KIDINS220: variants seen among roughly 807,000 people sequenced by gnomAD.
KIDINS220 encodes kinase D-interacting substrate of 220 kDa.
KIDINS220 carries 63 observed loss-of-function variants against 157.6 expected under a neutral mutation model. That is an observed-to-expected ratio of 0.40 (90% CI 0.33 to 0.49). KIDINS220 has a LOEUF of 0.49. KIDINS220 is among the 20% of genes least tolerant of loss of function. The pLI is 0.66. For missense variants in KIDINS220, 1,772 were observed against 2,171.2 expected (o/e 0.82, Z 3.65); for synonymous variants, 732 against 783.6 (o/e 0.93, Z 1.10).
Position 8,817,623 on chromosome 2 carries a change from C to G in KIDINS220, c.301G>C (p.Asp101His). The part of the protein sequence containing the change: ...LKCGVNLEHR[D>H]MGGWTALMWA... ...ACATATAAAAATGTCCATACCATATCACGGTGCTCCAAGTTAACCCCACAT... is the reference window on the plus strand; with the variant it reads ...ACATATAAAAATGTCCATACCATATGACGGTGCTCCAAGTTAACCCCACAT... The change falls in exon 4 of 30, where the codon GAT (aspartate) becomes CAT (histidine). Residue 101 changes from aspartate to histidine, a missense_variant. This residue lies in a region of KIDINS220 where 254 missense variants were observed against 268.6 expected (regional missense o/e 0.95). Coordinates refer to ENST00000256707, the MANE Select transcript of KIDINS220 (RefSeq NM_020738.4). The G allele has an allele frequency of 6.3e-7, 1 of 1,590,194 alleles. No homozygotes were observed. Among genetic ancestry groups the G allele is most frequent in the Non-Finnish European group, 8.6e-7 (1 of 1,162,558 alleles).
rs920416732 is a variant in KIDINS220, at chr2:8,831,340, T to C, written c.-36-4211A>G. ...CCCATCCCTCCCACCCTCTACATAG[T>C]CACATCTACACCTCCAGCTCCAGCC... is the stretch of plus-strand genomic sequence containing the variant. On this transcript the variant is annotated intron_variant, in intron 1 of 29. Coordinates refer to ENST00000256707, the MANE Select transcript of KIDINS220 (RefSeq NM_020738.4). 4.1e-5 allele frequency among the ~76,000 whole-genome samples: 6 copies of C among 145,576 alleles called. No homozygotes were observed. In the South Asian group the frequency reaches 1.4e-3, roughly 34 times the overall value.
intron 2 of KIDINS220, among the ~76,000 whole-genome samples, chr2:8,819,201 A>C (rs1677534551): frequency 6.6e-6 from 1 of 152,248 alleles, no homozygotes; most frequent in Non-Finnish European, 1.5e-5. Context: ...TGTCTGAAAT[A>C]GGACGAGAAG....
At position 8,757,654 on chromosome 2, in the gene KIDINS220, A is replaced by G; in HGVS notation, c.3012-6010T>C. ...GTGAATGTGCATCTCTGAGGGAGTC[A>G]TGGCCTGTTCCATGTCCTGCTTATT... On this transcript the variant is annotated intron_variant, in intron 22 of 29. Transcript: ENST00000256707. 4 of 1,611,808 alleles carry G rather than the reference A, an allele frequency of 2.5e-6. No homozygotes were observed. The South Asian group carries it at 3.3e-5, about 13-fold the overall frequency.
intron 1 of KIDINS220, among the ~76,000 whole-genome samples, chr2:8,831,024 A>T (rs2148451741): frequency 6.6e-6 from 1 of 152,298 alleles, no homozygotes; most frequent in Non-Finnish European, 1.5e-5. Context: ...CCTGCAATCC[A>T]TTTGCCACAC....
At position 8,730,064 on chromosome 2, in the gene KIDINS220, C is replaced by T. The variant is rs562935506; in HGVS notation, c.*656G>A. On this transcript the variant is annotated 3_prime_UTR_variant, in exon 30 of 30. Coordinates refer to ENST00000256707, the MANE Select transcript of KIDINS220 (RefSeq NM_020738.4). Reference sequence around the variant, plus strand: ...ACCCACGGAGGTCACCAGCCCTCCCCGCATCTACTCTCCTAACAGCTCAGG... The same window carrying T: ...ACCCACGGAGGTCACCAGCCCTCCCTGCATCTACTCTCCTAACAGCTCAGG... 1.0e-6 allele frequency: 1 copy of T among 985,452 alleles called. No homozygotes were observed. The highest frequency in any genetic ancestry group is 1.2e-6 in the Non-Finnish European group (1 of 830,002). The allele number at this position is 985,452 out of a possible 1,614,324, so 61.0% of individuals were successfully genotyped here.
chr2:8,733,780 G>A (rs1277605816), intron 28 of KIDINS220, 100 bp from the exon 29 acceptor site: 1 of 760,710 alleles, frequency 1.3e-6, no homozygotes, highest in African/African-American at 1.8e-5. Context: ...TATTGCAACA[G>A]CAATGAGAAA....
At chr2:8,741,296 G>A (rs60836529) in intron 26 of KIDINS220, among the ~76,000 whole-genome samples, 2,480 of 152,294 alleles carry the variant, frequency 0.016, 69 homozygotes, top group African/African-American at 0.056. Flanking sequence ...GGCAGGGTGT[G>A]GTGGCTCACA....
intron 8 of KIDINS220, among the ~76,000 whole-genome samples, chr2:8,802,140 GGAGA>G (rs1219040262): frequency 6.6e-6 from 1 of 152,170 alleles, no homozygotes; most frequent in Non-Finnish European, 1.5e-5. Flanking sequence ...TACAAAGTGG[GGAGA>G]GAGGTTGGGC....
chr2:8,830,591 C>A (rs1679475403), intron 1 of KIDINS220, among the ~76,000 whole-genome samples: 1 of 152,084 alleles, frequency 6.6e-6, no homozygotes. Context: ...GCTAATTTTT[C>A]TATTTTTTGT....
intron 24 of KIDINS220, among the ~76,000 whole-genome samples, chr2:8,748,976 T>C (rs1016710124): frequency 6.6e-6 from 1 of 152,228 alleles, no homozygotes; most frequent in African/African-American, 2.4e-5. Context: ...AGCTATTTTA[T>C]GCAAACTTAC....
rs1378372642 is a variant in KIDINS220, at chr2:8,779,815, C to T, written c.2230-1G>A. Reference sequence around the variant, plus strand: ...TCAATTCCACTTCACATTTAAGAACCTGTATTGCAAAGGAAGGTATAGAAA... The same window carrying T: ...TCAATTCCACTTCACATTTAAGAACTTGTATTGCAAAGGAAGGTATAGAAA... On this transcript the variant is annotated splice_acceptor_variant, in intron 17 of 29. Coordinates refer to ENST00000256707, the MANE Select transcript of KIDINS220 (RefSeq NM_020738.4). LOFTEE classifies it high-confidence loss of function. The T allele has an allele frequency of 6.2e-7, 1 of 1,613,812 alleles. No individual in the cohort carries two copies. Among genetic ancestry groups the T allele is most frequent in the African/African-American group, 1.3e-5 (1 of 74,928 alleles).
At chr2:8,788,100 A>G (rs1672666816) in intron 15 of KIDINS220, among the ~76,000 whole-genome samples, 1 of 152,190 alleles carries the variant, frequency 6.6e-6, no homozygotes, top group Non-Finnish European at 1.5e-5. Context: ...TTGGTAAATA[A>G]AAGTTAAACA....
At position 8,731,148 on chromosome 2, in the gene KIDINS220, G is replaced by A; in HGVS notation, c.4888C>T (p.His1630Tyr). The change falls in exon 30 of 30, where the codon CAT becomes TAT. Residue 1630 changes from histidine to tyrosine, a missense_variant. Physicochemically the swap from His to Tyr is moderately conservative, Grantham distance 83. Transcript: ENST00000256707. The surrounding 1 kb of genome is among the most constrained non-coding windows in gnomAD (Gnocchi z 5.2). Reference sequence around the variant, plus strand: ...GGATCTTGCAGGCCACTCAGGCTATGTGGGATTCCCCGCTTTCCGCTGTGA... The same window carrying A: ...GGATCTTGCAGGCCACTCAGGCTATATGGGATTCCCCGCTTTCCGCTGTGA... Reference protein sequence around the residue: ...DSHSGKRGIPHSLSGLQDPII... With the variant: ...DSHSGKRGIPYSLSGLQDPII... 6.2e-7 allele frequency: 1 copy of A among 1,614,196 alleles called. No homozygotes were observed.
chr2:8,741,074 C>G (rs1665559403), intron 26 of KIDINS220, among the ~76,000 whole-genome samples: 1 of 152,154 alleles, frequency 6.6e-6, no homozygotes, highest in African/African-American at 2.4e-5. Context: ...TTTTAAAAAG[C>G]TGTCTGTAGA....
intron 17 of KIDINS220, among the ~76,000 whole-genome samples, chr2:8,782,155 A>G (rs2148225777): frequency 6.6e-6 from 1 of 152,058 alleles, no homozygotes; most frequent in South Asian, 2.1e-4. Flanking sequence ...TAATAATCTA[A>G]GCTTCCACCT....
chr2:8,789,813 T>A, intron 14 of KIDINS220, 67 bp downstream of exon 14: 1 of 1,199,306 alleles, frequency 8.3e-7, no homozygotes, highest in South Asian at 1.4e-5. Context: ...AAAGAAAATG[T>A]TTTTTCTTTA....
chr2:8,729,829 ATATT>A lies in KIDINS220; in HGVS notation c.*887_*890del, dbSNP rs1663782608. On this transcript the variant is annotated 3_prime_UTR_variant, in exon 30 of 30. Transcript: ENST00000256707. ...TATTTCCTCATTCACTCATCTATAA[ATATT>A]TATTAGTACCTATTATTACCCATGT... The A allele has an allele frequency of 1.0e-6, 1 of 982,668 alleles. No individual in the cohort carries two copies. Among genetic ancestry groups the A allele is most frequent in the Non-Finnish European group, 1.2e-6 (1 of 827,578 alleles). The allele number at this position is 982,668 out of a possible 1,614,324, so 60.9% of individuals were successfully genotyped here. A position where few individuals can be genotyped will look rare whatever the true frequency, so the allele number is the denominator to read the frequency against.
At chr2:8,781,153 A>ATATATATATTATAT (rs70946383) in intron 17 of KIDINS220, among the ~76,000 whole-genome samples, 24 of 130,394 alleles carry the variant, frequency 1.8e-4, no homozygotes, top group Admixed American at 1.1e-3. Flanking sequence ...ATATATATAT[A>ATATATATATTATAT]ATATATATAT....
At chr2:8,834,500 C>A (rs894031822) in intron 1 of KIDINS220, among the ~76,000 whole-genome samples, 1 of 151,668 alleles carries the variant, frequency 6.6e-6, no homozygotes, top group African/African-American at 2.4e-5. Context: ...CCTTCCACAG[C>A]CCTACTTTAA....
Sources: allele counts gnomAD v4.1 joint callset (sites outside exome capture counted in the v4.1 genomes callset), GRCh38; gene constraint gnomAD v4.1.1; regional missense constraint gnomAD v4.1.1; non-coding constraint Gnocchi (gnomAD v3.1); transcripts MANE v1.5; gene names NCBI Gene and HGNC (gene_info 2026-07-23, HGNC 2026-07-21).